ALKBH8: variants seen among roughly 807,000 people sequenced by gnomAD.
The protein encoded by ALKBH8 is alkB homolog 8, tRNA methyltransferase, also known as tRNA (carboxymethyluridine(34)-5-O)-methyltransferase ALKBH8.
In ALKBH8, 36 loss-of-function variants were observed where a neutral mutation model predicts 59.8. That is an observed-to-expected ratio of 0.60 (90% CI 0.46 to 0.79). The LOEUF (loss-of-function observed/expected upper bound fraction) is 0.79. ALKBH8 is among the 30% of genes least tolerant of loss of function. The pLI, the probability that ALKBH8 is intolerant of heterozygous loss-of-function variation, is 0.00. For synonymous variants in ALKBH8, 276 were observed against 273.6 expected, an observed-to-expected ratio of 1.01 and a Z score of -0.09; for missense variants, 768 against 801.0, an observed-to-expected ratio of 0.96 and a Z score of 0.50.
chr11:107,505,116 G>T lies in ALKBH8; in HGVS notation c.1537C>A (p.Gln513Lys), dbSNP rs2135459645. Residue 513 changes from glutamine (Q) to lysine (K), a missense_variant, in exon 12 of 12, where the codon CAG becomes AAG. Physicochemically the swap from Gln to Lys is moderately conservative, Grantham distance 53. Transcript: ENST00000428149. ...VWAMEQEYNKQKSKYLRGNRN... is the reference protein window; with the variant it reads ...VWAMEQEYNKKKSKYLRGNRN... ...TTTCCTCTAAGATACTTGGACTTCTGCTTATTATATTCTTGTTCCATTGCC... is the reference window on the plus strand; with the variant it reads ...TTTCCTCTAAGATACTTGGACTTCTTCTTATTATATTCTTGTTCCATTGCC... 6.4e-7 allele frequency: 1 copy of T among 1,551,076 alleles called. No homozygotes were observed.
At position 107,553,953 on chromosome 11, in the gene ALKBH8, T is replaced by C. The variant is rs1180923013; in HGVS notation, c.393A>G (p.Gln131=). 2 of 1,613,842 alleles carry C rather than the reference T, an allele frequency of 1.2e-6. No individual in the cohort carries two copies. Among genetic ancestry groups the C allele is most frequent in the South Asian group, 1.1e-5 (1 of 91,064 alleles). Residue 131 remains glutamine, a synonymous_variant, in exon 4 of 12, where the codon CAA becomes CAG. Coordinates refer to ENST00000428149, the MANE Select transcript of ALKBH8 (RefSeq NM_138775.3). The part of the protein sequence containing the change: ...EKVQWKELRP[Q]ALPPGLMVVE... Reference sequence around the variant, plus strand: ...CTACCATGAGTCCTGGTGGTAAGGCTTGAGGCCTCAACTCCTTCCACTGCA... The same window carrying C: ...CTACCATGAGTCCTGGTGGTAAGGCCTGAGGCCTCAACTCCTTCCACTGCA...
At chr11:107,560,944 G>A (rs374860378) in intron 1 of ALKBH8, 45 bp from the exon 2 acceptor site, 8 of 1,513,520 alleles carry the variant, frequency 5.3e-6, no homozygotes, top group Non-Finnish European at 6.3e-6. Context: ...TAAGAGTCCT[G>A]AAGGAACAAT....
intron 1 of ALKBH8, chr11:107,562,866 G>A (rs546849227): frequency 6.6e-6 from 1 of 152,272 alleles, no homozygotes; most frequent in East Asian, 1.9e-4. Flanking sequence ...AAAGAGGAAG[G>A]GTGAGTGAAA....
intron 10 of ALKBH8, among the ~76,000 whole-genome samples, chr11:107,521,269 T>A (rs1257944138): frequency 6.6e-6 from 1 of 152,174 alleles, no homozygotes; most frequent in East Asian, 1.9e-4. Context: ...GTTGCTCATG[T>A]AGGGGTGATA....
chr11:107,564,277 T>C (rs966351679), intron 1 of ALKBH8, among the ~76,000 whole-genome samples: 8 of 152,172 alleles, frequency 5.3e-5, no homozygotes, highest in South Asian at 2.1e-4. Flanking sequence ...TACGTGGTAA[T>C]AGTAGTATGT....
At chr11:107,521,159 T>G (rs1459114830) in intron 10 of ALKBH8, among the ~76,000 whole-genome samples, 1 of 152,156 alleles carries the variant, frequency 6.6e-6, no homozygotes, top group African/African-American at 2.4e-5. Context: ...AAGGGACTAA[T>G]ATACTTATTT....
chr11:107,515,717 C>T (rs1037840567), intron 10 of ALKBH8, among the ~76,000 whole-genome samples: 5 of 151,990 alleles, frequency 3.3e-5, no homozygotes, highest in Non-Finnish European at 7.4e-5. Flanking sequence ...TGTGGAAGTA[C>T]AAGTAAACAT....
At position 107,549,708 on chromosome 11, in the gene ALKBH8, A is replaced by G. The variant is rs756450497; in HGVS notation, c.771+45T>C. The G allele has an allele frequency of 4.5e-6, 6 of 1,333,680 alleles. No homozygotes were observed. The South Asian group carries it at 8.0e-5, about 18-fold the overall frequency. 82.6% of individuals were successfully genotyped at this position (1,333,680 alleles called of 1,614,324 possible). A position where few individuals can be genotyped will look rare whatever the true frequency, so the allele number is the denominator to read the frequency against. ...GGATAATCTTTGAAAAGGGCATTGT[A>G]CAAGGTAAGATATATGATGATAGCT... On this transcript the variant is annotated intron_variant, in intron 7 of 11. Coordinates refer to ENST00000428149, the MANE Select transcript of ALKBH8 (RefSeq NM_138775.3).
At chr11:107,519,660 C>T (rs1267105797) in intron 10 of ALKBH8, among the ~76,000 whole-genome samples, 2 of 152,152 alleles carry the variant, frequency 1.3e-5, no homozygotes, top group African/African-American at 4.8e-5. Flanking sequence ...AGTCCCTAAT[C>T]TGAAAATCCA....
rs141026532 is a variant in ALKBH8 at position 107,509,938 on chromosome 11, T to C, written c.1437+949A>G. ...ACTGAGTTGTAGCTGAAGCAACCAA[T>C]ATGTGCCAAACATTTCTTCCAAATG... On this transcript the variant is annotated intron_variant, in intron 11 of 11. Transcript: ENST00000428149. 6.8e-3 allele frequency among the ~76,000 whole-genome samples: 1,029 copies of C among 152,322 alleles called. 7 individuals carry two copies. The highest frequency in any genetic ancestry group is 0.023 in the African/African-American group (942 of 41,578).
At chr11:107,532,190 G>T in intron 8 of ALKBH8, 110 bp downstream of exon 8, 1 of 811,748 alleles carries the variant, frequency 1.2e-6, no homozygotes, top group Non-Finnish European at 1.9e-6. Flanking sequence ...TAGGAGTTCT[G>T]AACCCAGAAG....
intron 6 of ALKBH8, 54 bp downstream of exon 6, chr11:107,551,754 C>A (rs1338651929): frequency 5.9e-6 from 5 of 848,308 alleles, no homozygotes; most frequent in African/African-American, 1.8e-5. Context: ...AGAATTATAT[C>A]ATCTACTCAG....
intron 8 of ALKBH8, among the ~76,000 whole-genome samples, chr11:107,527,076 T>C (rs1463511157): frequency 1.3e-5 from 2 of 152,004 alleles, no homozygotes; most frequent in Non-Finnish European, 2.9e-5. Context: ...TTGTCAATTT[T>C]GTCAAAAAAA....
At chr11:107,529,489 G>T (rs753681863) in intron 8 of ALKBH8, among the ~76,000 whole-genome samples, 2 of 149,852 alleles carry the variant, frequency 1.3e-5, no homozygotes, top group African/African-American at 2.5e-5. Flanking sequence ...TTCTCATTCA[G>T]GCTAGCTTTC....
chr11:107,518,420 C>A, intron 10 of ALKBH8, among the ~76,000 whole-genome samples: 1 of 146,598 alleles, frequency 6.8e-6, no homozygotes, highest in South Asian at 2.1e-4. Context: ...TGGGAACAGG[C>A]CCCCCAAAAT....
chr11:107,553,467 TAGAA>T (rs1341226334), intron 4 of ALKBH8, among the ~76,000 whole-genome samples: 1 of 152,096 alleles, frequency 6.6e-6, no homozygotes, highest in Non-Finnish European at 1.5e-5. Flanking sequence ...GCCAATGAGC[TAGAA>T]AGAGTCAGAA....
intron 10 of ALKBH8, among the ~76,000 whole-genome samples, chr11:107,514,082 G>C (rs1024663386): frequency 1.2e-4 from 18 of 151,924 alleles, no homozygotes; most frequent in African/African-American, 4.3e-4. Context: ...CCTTTTTTTA[G>C]ACCAGCAAGC....
At chr11:107,560,543 A>G (rs1366960483) in intron 2 of ALKBH8, among the ~76,000 whole-genome samples, 2 of 152,142 alleles carry the variant, frequency 1.3e-5, no homozygotes, top group Admixed American at 6.6e-5. Flanking sequence ...TTAATATATA[A>G]CTACAACCTC....
At position 107,553,912 on chromosome 11, in the gene ALKBH8, G is replaced by T. The variant is rs1864599344; in HGVS notation, c.434C>A (p.Ser145Tyr). ...CAAAAGCATTTTCTCCTCCTCAGAA[G>T]AAATTATTTCTTCTACTACCATGAG... ...PGLMVVEEII[S>Y]SEEEKMLLES... The change falls in exon 4 of 12, where the codon TCT becomes TAT. Residue 145 changes from serine (S) to tyrosine (Y), a missense_variant. Transcript: ENST00000428149. 2 of 1,613,646 alleles carry T rather than the reference G, an allele frequency of 1.2e-6. No homozygotes were observed. The highest frequency in any genetic ancestry group is 1.7e-5 in the Admixed American group (1 of 59,982).
Sources: gnomAD v4.1 joint callset for allele counts (sites outside exome capture counted in the v4.1 genomes callset) on GRCh38, gnomAD v4.1.1 for gene constraint, MANE v1.5 for transcripts, NCBI Gene and HGNC (gene_info 2026-07-23, HGNC 2026-07-21) for gene names.